Variants in EYA4 observed in about 807,000 individuals in gnomAD.
The protein encoded by EYA4 is protein phosphatase EYA4.
In EYA4, 31 loss-of-function variants were observed where a neutral mutation model predicts 87.9. That is an observed-to-expected ratio of 0.35 (90% CI 0.27 to 0.48). The LOEUF is 0.48. Ranked by LOEUF, EYA4 falls within the 20% of genes least tolerant of loss-of-function variation. The pLI, the probability that EYA4 is intolerant of heterozygous loss-of-function variation, is 0.99. For missense variants in EYA4, 678 were observed against 761.4 expected (o/e 0.89, Z 1.29); for synonymous variants, 263 against 270.6 (o/e 0.97, Z 0.28).
At chr6:133,256,138 A>G (rs1250666765) in intron 1 of EYA4, among the ~76,000 whole-genome samples, 1 of 151,196 alleles carries the variant, frequency 6.6e-6, no homozygotes, top group South Asian at 2.1e-4. Flanking sequence ...TGAAACTCAT[A>G]TAGTAATCGG....
At chr6:133,415,469 C>A (rs1157172007) in intron 3 of EYA4, among the ~76,000 whole-genome samples, 1 of 152,134 alleles carries the variant, frequency 6.6e-6, no homozygotes, top group Non-Finnish European at 1.5e-5. Flanking sequence ...TCTGAGCCTG[C>A]CAGACGTGCC....
At chr6:133,383,517 C>CAA (rs768724484) in intron 3 of EYA4, among the ~76,000 whole-genome samples, 21,490 of 44,724 alleles carry the variant, frequency 0.48, 8,154 homozygotes, top group Middle Eastern at 0.66. Flanking sequence ...GACTCCATCT[C>CAA]AAAAAAAAAA....
chr6:133,491,962 A>AAG (rs1371524847), intron 13 of EYA4, among the ~76,000 whole-genome samples: 17 of 149,622 alleles, frequency 1.1e-4, no homozygotes, highest in African/African-American at 3.8e-4. Flanking sequence ...AAAAAAAAAA[A>AAG]AAAAAAAAAG....
At chr6:133,445,577 CTT>C (rs1000098998) in intron 3 of EYA4, among the ~76,000 whole-genome samples, 1 of 141,646 alleles carries the variant, frequency 7.1e-6, no homozygotes. Context: ...TTTCCTTTTT[CTT>C]TTTTTTTTTT....
At chr6:133,337,320 A>C (rs1034766421) in intron 2 of EYA4, among the ~76,000 whole-genome samples, 1 of 152,140 alleles carries the variant, frequency 6.6e-6, no homozygotes, top group Non-Finnish European at 1.5e-5. Context: ...GAGAAGCACA[A>C]GATATGAGAA....
intron 2 of EYA4, among the ~76,000 whole-genome samples, chr6:133,357,041 G>T (rs1262285244): frequency 1.3e-5 from 2 of 151,866 alleles, no homozygotes; most frequent in Non-Finnish European, 2.9e-5. Flanking sequence ...GGAGGCCGAG[G>T]CGGGCGGATC....
At chr6:133,267,782 A>T (rs1776347395) in intron 1 of EYA4, among the ~76,000 whole-genome samples, 1 of 152,188 alleles carries the variant, frequency 6.6e-6, no homozygotes, top group Non-Finnish European at 1.5e-5. Flanking sequence ...GGCTGTTTCT[A>T]GTTTTCATTG....
At chr6:133,370,804 A>G (rs192787538) in intron 2 of EYA4, among the ~76,000 whole-genome samples, 1 of 151,292 alleles carries the variant, frequency 6.6e-6, no homozygotes, top group African/African-American at 2.5e-5. Flanking sequence ...ATCTTGATAG[A>G]TATGTCATAT....
chr6:133,413,035 C>T (rs1789379877), intron 3 of EYA4, among the ~76,000 whole-genome samples: 1 of 151,994 alleles, frequency 6.6e-6, no homozygotes, highest in African/African-American at 2.4e-5. Context: ...TGGTTGGGGG[C>T]CCAGGAGCAC....
In EYA4 at chr6:133,275,492, C is replaced by T. The variant is rs371521685; in HGVS notation, c.33+679C>T. Among the ~76,000 whole-genome samples, 9 of 151,740 alleles carry T rather than the reference C, an allele frequency of 5.9e-5. No homozygotes were observed. In the East Asian group the frequency reaches 1.7e-3, roughly 29 times the overall value. The stretch of plus-strand genomic sequence containing the variant: ...TGCATACGGACAACTCATGATGTTA[C>T]AAGTAACAAGACGTGTGCTTACTGA... On this transcript the variant is annotated intron_variant, in intron 2 of 19. Coordinates refer to ENST00000355286, the MANE Select transcript of EYA4 (RefSeq NM_004100.5).
At position 133,446,760 on chromosome 6, in the gene EYA4, T is replaced by A. The variant is rs966267064; in HGVS notation, c.208+6T>A. On this transcript the variant is annotated splice_donor_region_variant and intron_variant, in intron 4 of 19. Transcript: ENST00000355286. ...TACTACAAATGGGACAGGAGGTAAGTGTACTACCCTGAAGATACCCAGAAT... is the reference window on the plus strand; with the variant it reads ...TACTACAAATGGGACAGGAGGTAAGAGTACTACCCTGAAGATACCCAGAAT... 1 of 1,613,702 alleles carries A rather than the reference T, an allele frequency of 6.2e-7. No homozygotes were observed. The highest frequency in any genetic ancestry group is 1.1e-5 in the South Asian group (1 of 91,078).
intron 3 of EYA4, among the ~76,000 whole-genome samples, chr6:133,436,073 G>T (rs1791643320): frequency 6.6e-6 from 1 of 152,200 alleles, no homozygotes; most frequent in African/African-American, 2.4e-5. Flanking sequence ...ACAAAAATTA[G>T]CCAGGCGTGG....
rs71771244 is a variant in EYA4 at position 133,294,023 on chromosome 6, TTATATATATATATATATATATA to T, written c.33+19229_33+19250del. Among the ~76,000 whole-genome samples, 13 of 78,782 alleles carry T rather than the reference TTATATATATATATATATATATA, an allele frequency of 1.7e-4. 2 individuals carry two copies. The highest frequency in any genetic ancestry group is 4.8e-4 in the South Asian group (1 of 2,082). The allele number at this position is 78,782 out of a possible 152,430, so 51.7% of individuals were successfully genotyped here. On this transcript the variant is annotated intron_variant, in intron 2 of 19. Coordinates refer to ENST00000355286, the MANE Select transcript of EYA4 (RefSeq NM_004100.5). ...AATTCCTGTGCTCCCTAGGGTGATTTTATATATATATATATATATATATATATATATATATATATAATTCTAT... is the reference window on the plus strand; with the variant it reads ...AATTCCTGTGCTCCCTAGGGTGATTTTATATATATATATATATAATTCTAT...
intron 2 of EYA4, among the ~76,000 whole-genome samples, chr6:133,280,302 C>A (rs1468775003): frequency 6.6e-6 from 1 of 152,184 alleles, no homozygotes; most frequent in Non-Finnish European, 1.5e-5. Context: ...AGTAGAGTAC[C>A]TAAACTGAAG....
chr6:133,274,445 T>C (rs1183319570), intron 1 of EYA4, among the ~76,000 whole-genome samples: 1 of 152,224 alleles, frequency 6.6e-6, no homozygotes, highest in African/African-American at 2.4e-5. Flanking sequence ...ATTAACTGTT[T>C]ATTGCAGACT....
chr6:133,429,188 G>A (rs1790962531), intron 3 of EYA4, among the ~76,000 whole-genome samples: 1 of 151,892 alleles, frequency 6.6e-6, no homozygotes, highest in African/African-American at 2.4e-5. Context: ...GCCTCCCAAA[G>A]TGCTGGGATT....
intron 3 of EYA4, among the ~76,000 whole-genome samples, chr6:133,387,868 G>A (rs1043158203): frequency 1.3e-5 from 2 of 152,076 alleles, no homozygotes; most frequent in African/African-American, 2.4e-5. Context: ...TTTTTGGCTG[G>A]CATTTACTGG....
chr6:133,494,700 T>A (rs78211453), intron 13 of EYA4, among the ~76,000 whole-genome samples: 2 of 151,446 alleles, frequency 1.3e-5, no homozygotes, highest in African/African-American at 4.9e-5. Flanking sequence ...GTTTTTTTTT[T>A]AATTAGCTGG....
chr6:133,520,087 C>G (rs1799974883), intron 17 of EYA4, among the ~76,000 whole-genome samples: 1 of 151,724 alleles, frequency 6.6e-6, no homozygotes. Context: ...GACAGGGATG[C>G]CCTCTCTCAC....
Sources: allele counts gnomAD v4.1 joint callset (sites outside exome capture counted in the v4.1 genomes callset), GRCh38; gene constraint gnomAD v4.1.1; transcripts MANE v1.5; gene names NCBI Gene and HGNC (gene_info 2026-07-23, HGNC 2026-07-21).